Variants in TLN2 observed in about 807,000 individuals in gnomAD.
TLN2 encodes the protein talin 2.
Under a neutral mutation model 294.7 loss-of-function variants are expected in TLN2, and 118 were observed. That is an observed-to-expected ratio of 0.40 (90% CI 0.34 to 0.47). The LOEUF is 0.47. Ranked by LOEUF, TLN2 falls within the 20% of genes least tolerant of loss-of-function variation. The probability of loss-of-function intolerance (pLI) is 0.84; values close to 1 mark genes in which losing one functional copy is unlikely to be tolerated. For synonymous variants in TLN2, 1,431 were observed against 1,304.5 expected, an observed-to-expected ratio of 1.10 and a Z score of -2.09; for missense variants, 3,083 against 3,282.2, an observed-to-expected ratio of 0.94 and a Z score of 1.48.
At chr15:62,472,314 C>T (rs1351607397) in intron 1 of TLN2, among the ~76,000 whole-genome samples, 1 of 152,202 alleles carries the variant, frequency 6.6e-6, no homozygotes, top group Non-Finnish European at 1.5e-5. Context: ...TTATATCTTC[C>T]TCATCTTTGT....
In TLN2 at chr15:62,730,191, G is replaced by A. The variant is rs545277573; in HGVS notation, c.3358+3002G>A. On this transcript the variant is annotated intron_variant, in intron 28 of 58. Transcript: ENST00000636159. ...TAAGTGGCTGGGACTATAGGTGTGT[G>A]CCACCACACCCAGCTAATTTTTGTA... 1.1e-4 allele frequency among the ~76,000 whole-genome samples: 17 copies of A among 152,034 alleles called. No individual in the cohort carries two copies. The South Asian group carries it at 3.1e-3, about 28-fold the overall frequency.
At position 62,803,838 on chromosome 15, in the gene TLN2, A is replaced by T. The variant is rs556752124; in HGVS notation, c.6478-1762A>T. Among the ~76,000 whole-genome samples the T allele has an allele frequency of 2.6e-4, 40 of 152,242 alleles. 2 individuals are homozygous for T. The South Asian group carries it at 7.5e-3, about 28-fold the overall frequency. ...GTTCAGTGAGGTTATGTTTTCCTGG[A>T]TGCTTATAGGTGTTCATTTGTGTCT... On this transcript the variant is annotated intron_variant, in intron 50 of 58. Transcript: ENST00000636159.
intron 1 of TLN2, among the ~76,000 whole-genome samples, chr15:62,505,212 C>T (rs1473237158): frequency 6.6e-6 from 1 of 152,116 alleles, no homozygotes; most frequent in Non-Finnish European, 1.5e-5. Flanking sequence ...CCACCTCGGC[C>T]TCCCAAAGTG....
At chr15:62,713,405 ATGGTGG>A (rs1441101700) in intron 22 of TLN2, among the ~76,000 whole-genome samples, 1 of 152,000 alleles carries the variant, frequency 6.6e-6, no homozygotes, top group African/African-American at 2.4e-5. Flanking sequence ...TGGGCTGGGC[ATGGTGG>A]CACACGCCTG....
At chr15:62,763,918 G>A (rs1257292798) in intron 40 of TLN2, among the ~76,000 whole-genome samples, 2 of 152,172 alleles carry the variant, frequency 1.3e-5, no homozygotes, top group East Asian at 1.9e-4. Flanking sequence ...TACAGGTACT[G>A]GGGTGGAAAG....
intron 4 of TLN2, among the ~76,000 whole-genome samples, chr15:62,649,014 ATTTTTGTAT>A (rs1158571978): frequency 3.3e-5 from 5 of 151,672 alleles, no homozygotes; most frequent in East Asian, 2.0e-4. Context: ...CACCCGGCTA[ATTTTTGTAT>A]TTTTTGTAGA....
chr15:62,736,765 A>G, intron 28 of TLN2, 113 bp from the exon 29 acceptor site: 1 of 1,143,294 alleles, frequency 8.7e-7, no homozygotes, highest in Non-Finnish European at 1.2e-6. Flanking sequence ...TTTTATGAAG[A>G]CTAATCTGCA....
At chr15:62,566,183 T>A (rs1341513792) in intron 1 of TLN2, among the ~76,000 whole-genome samples, 1 of 152,048 alleles carries the variant, frequency 6.6e-6, no homozygotes, top group East Asian at 1.9e-4. Context: ...GGATAACTCC[T>A]GTTGGGGGCT....
At chr15:62,819,911 T>A (rs1050929811) in intron 53 of TLN2, among the ~76,000 whole-genome samples, 2 of 152,244 alleles carry the variant, frequency 1.3e-5, no homozygotes, top group African/African-American at 4.8e-5. Flanking sequence ...TTCTTTTTTG[T>A]CTGCATTTTC....
At chr15:62,724,451 G>C (rs1366489812) in intron 26 of TLN2, among the ~76,000 whole-genome samples, 1 of 152,214 alleles carries the variant, frequency 6.6e-6, no homozygotes, top group African/African-American at 2.4e-5. Flanking sequence ...GTGACCAAGA[G>C]ATAAAGTAGT....
chr15:62,626,031 A>G (rs2140873745), intron 3 of TLN2, among the ~76,000 whole-genome samples: 1 of 152,310 alleles, frequency 6.6e-6, no homozygotes, highest in Non-Finnish European at 1.5e-5. Context: ...CAAGTTTGAG[A>G]GAGTCTTCCT....
intron 3 of TLN2, chr15:62,637,468 T>G (rs1336153341): frequency 6.6e-6 from 1 of 152,204 alleles, no homozygotes. Flanking sequence ...GCTCGAGAGC[T>G]GACACAGCCT....
chr15:62,435,855 A>G (rs755402919), intron 1 of TLN2, among the ~76,000 whole-genome samples: 21 of 152,164 alleles, frequency 1.4e-4, no homozygotes, highest in Non-Finnish European at 2.8e-4. Flanking sequence ...CTGTTTATGT[A>G]TTATGGAAAT....
At position 62,623,119 on chromosome 15, in the gene TLN2, G is replaced by C. The variant is rs188425295; in HGVS notation, c.-37+4644G>C. ...ATATGGAGTAACTGAATGGGCAGTG[G>C]AGATTTTAACTAAGTCCTGTGCTGG... On this transcript the variant is annotated intron_variant, in intron 3 of 58. Coordinates refer to ENST00000636159, the MANE Select transcript of TLN2 (RefSeq NM_015059.3). Among the ~76,000 whole-genome samples the C allele has an allele frequency of 7.1e-4, 108 of 152,346 alleles. 3 individuals are homozygous for C. In the East Asian group the frequency reaches 0.019, roughly 27 times the overall value.
chr15:62,426,230 C>A (rs1365887597), intron 1 of TLN2, among the ~76,000 whole-genome samples: 1 of 152,196 alleles, frequency 6.6e-6, no homozygotes, highest in African/African-American at 2.4e-5. Context: ...TGCCAAGTGC[C>A]TGTATCAAGG....
rs376510726 is a variant in TLN2 at position 62,675,191 on chromosome 15, G to C, written c.853-26G>C. ...ACCTGCTGGCAGAGATGCAATAACTGGTCCCGACCACTGTCACTTTTGCAG... is the reference window on the plus strand; with the variant it reads ...ACCTGCTGGCAGAGATGCAATAACTCGTCCCGACCACTGTCACTTTTGCAG... On this transcript the variant is annotated intron_variant, in intron 10 of 58. Coordinates refer to ENST00000636159, the MANE Select transcript of TLN2 (RefSeq NM_015059.3). 5.1e-5 allele frequency: 82 copies of C among 1,610,668 alleles called. No individual in the cohort carries two copies. The African/African-American group carries it at 9.7e-4, about 19-fold the overall frequency.
intron 28 of TLN2, among the ~76,000 whole-genome samples, chr15:62,731,834 A>C (rs1273304446): frequency 1.3e-5 from 2 of 152,174 alleles, no homozygotes; most frequent in African/African-American, 2.4e-5. Flanking sequence ...TCTGTGTGGG[A>C]AGGCTGATTT....
chr15:62,424,913 G>A (rs72753841), intron 1 of TLN2, among the ~76,000 whole-genome samples: 29,111 of 146,556 alleles, frequency 0.2, 2,953 homozygotes, highest in Non-Finnish European at 0.22. Context: ...TTGGCCTCCC[G>A]CAGTGTTGGC....
intron 1 of TLN2, among the ~76,000 whole-genome samples, chr15:62,443,775 G>T (rs1209284557): frequency 6.6e-6 from 1 of 152,200 alleles, no homozygotes; most frequent in Non-Finnish European, 1.5e-5. Context: ...GCAGAGGACA[G>T]AGGATTGCTT....
Sources: allele counts gnomAD v4.1 joint callset (sites outside exome capture counted in the v4.1 genomes callset), GRCh38; gene constraint gnomAD v4.1.1; transcripts MANE v1.5; gene names NCBI Gene and HGNC (gene_info 2026-07-23, HGNC 2026-07-21).